The following PABPC1L variants were observed in gnomAD, a reference collection of about 807,000 sequenced individuals.
PABPC1L encodes the protein polyadenylate-binding protein 1-like.
PABPC1L carries 31 observed loss-of-function variants against 66.6 expected under a neutral mutation model. The ratio of observed to expected loss-of-function variants is 0.47; its 90% confidence interval spans 0.35 to 0.63. The LOEUF is 0.63. Ranked by LOEUF, PABPC1L falls within the 20% of genes least tolerant of loss-of-function variation. PABPC1L has a pLI of 0.00. For synonymous variants in PABPC1L, 348 were observed against 335.1 expected (o/e 1.04, Z -0.42); for missense variants, 722 against 848.8 (o/e 0.85, Z 1.86).
intron 8 of PABPC1L, chr20:44,931,688 GTT>G (rs2066860939): frequency 6.6e-6 from 1 of 152,002 alleles, no homozygotes; most frequent in Non-Finnish European, 1.5e-5. Context: ...TAGAGACGGG[GTT>G]TCACCATGTT....
intron 11 of PABPC1L, among the ~76,000 whole-genome samples, chr20:44,935,948 G>T (rs1476041067): frequency 6.6e-6 from 1 of 151,990 alleles, no homozygotes; most frequent in Admixed American, 6.5e-5. Context: ...AAATGAATGA[G>T]AACAGTCTTT....
chr20:44,933,224 A>G (rs2066875877), intron 10 of PABPC1L, 39 bp downstream of exon 10: 6 of 1,537,006 alleles, frequency 3.9e-6, no homozygotes, highest in Non-Finnish European at 4.4e-6. Flanking sequence ...GGGGTGGGGC[A>G]AAGTTGGCAC....
rs2066691505 is a variant in PABPC1L, at chr20:44,910,062, G to A, written c.-82G>A. 1 of 1,261,252 alleles carries A rather than the reference G, an allele frequency of 7.9e-7. No individual in the cohort carries two copies. Among genetic ancestry groups the A allele is most frequent in the South Asian group, 1.5e-5 (1 of 67,842 alleles). The allele number at this position is 1,261,252 out of a possible 1,614,324, so 78.1% of individuals were successfully genotyped here. A position where few individuals can be genotyped will look rare whatever the true frequency, so the allele number is the denominator to read the frequency against. ...GAAGGGGCGGGCCCGCGCCCAGGAA[G>A]GAGGGCTTCCGCCCGGGTGAGCGCG... On this transcript the variant is annotated 5_prime_UTR_variant, in exon 1 of 15. Coordinates refer to ENST00000217073, the MANE Select transcript of PABPC1L (RefSeq NM_001372179.1).
chr20:44,910,747 G>A (rs2066698764), intron 1 of PABPC1L, among the ~76,000 whole-genome samples: 1 of 152,210 alleles, frequency 6.6e-6, no homozygotes, highest in Non-Finnish European at 1.5e-5. Context: ...AAAGCACCTG[G>A]TGAGGAAGAT....
intron 5 of PABPC1L, among the ~76,000 whole-genome samples, chr20:44,919,661 G>A (rs1419190362): frequency 6.6e-6 from 1 of 152,156 alleles, no homozygotes; most frequent in Non-Finnish European, 1.5e-5. Flanking sequence ...AGTCCAGCCT[G>A]GGCAACATAG....
intron 9 of PABPC1L, 67 bp from the exon 10 acceptor site, chr20:44,932,990 T>A (rs2066872941): frequency 1.9e-6 from 2 of 1,072,122 alleles, no homozygotes; most frequent in African/African-American, 3.1e-5. Context: ...CTAGGCACAG[T>A]GTGCCACCCT....
chr20:44,922,842 G>A (rs774475892), intron 6 of PABPC1L, among the ~76,000 whole-genome samples: 3 of 152,176 alleles, frequency 2.0e-5, no homozygotes, highest in Non-Finnish European at 4.4e-5. Flanking sequence ...TGGGTGGTGG[G>A]GTGCTACTGT....
chr20:44,918,796 T>C, intron 3 of PABPC1L, 110 bp from the exon 4 acceptor site: 1 of 1,332,112 alleles, frequency 7.5e-7, no homozygotes, highest in Admixed American at 2.3e-5. Flanking sequence ...AGTTTCCTGA[T>C]GAGGGATATG....
At chr20:44,931,118 C>T (rs1235868127) in intron 8 of PABPC1L, among the ~76,000 whole-genome samples, 10 of 91,774 alleles carry the variant, frequency 1.1e-4, no homozygotes, top group African/African-American at 3.3e-4. Flanking sequence ...CGTGGGGTCT[C>T]CATGTCACCC....
rs753023622 is a variant in PABPC1L, at chr20:44,912,870, G to A, written c.387+17G>A. 1 of 1,606,442 alleles carries A rather than the reference G, an allele frequency of 6.2e-7. No homozygotes were observed. Among genetic ancestry groups the A allele is most frequent in the Admixed American group, 1.7e-5 (1 of 59,932 alleles). ...TCTTGCAAGGTAGAGGATGAAGGGT[G>A]TACGTCTTTGGGTAGATCGGTGTCA... On this transcript the variant is annotated intron_variant, in intron 2 of 14. Coordinates refer to ENST00000217073, the MANE Select transcript of PABPC1L (RefSeq NM_001372179.1).
chr20:44,910,960 T>C (rs1474870521), intron 1 of PABPC1L, among the ~76,000 whole-genome samples: 1 of 152,240 alleles, frequency 6.6e-6, no homozygotes, highest in Admixed American at 6.5e-5. Flanking sequence ...CCTGCACTTC[T>C]GTTGAGAGTG....
chr20:44,927,752 G>T (rs1004412759), intron 7 of PABPC1L, among the ~76,000 whole-genome samples: 3 of 152,074 alleles, frequency 2.0e-5, no homozygotes, highest in African/African-American at 7.2e-5. Flanking sequence ...ATGCAGTGGT[G>T]CCATCACAGC....
chr20:44,921,881 C>A, intron 6 of PABPC1L, 150 bp downstream of exon 6: 2 of 1,186,428 alleles, frequency 1.7e-6, no homozygotes, highest in Non-Finnish European at 2.4e-6. Flanking sequence ...GCCCCCACTG[C>A]CTAATGTATA....
Position 44,930,720 on chromosome 20 carries a change from G to A in PABPC1L, c.1233G>A (p.Met411Ile). Residue 411 changes from methionine (M) to isoleucine (I), a missense_variant, in exon 8 of 15, where the codon ATG becomes ATA. Physicochemically the swap from Met to Ile is conservative, Grantham distance 10. Coordinates refer to ENST00000217073, the MANE Select transcript of PABPC1L (RefSeq NM_001372179.1). ...CCTCCAGCTACTTCCTGCCTGCCAT[G>A]CCCCAGGTGACGGCCTGCCCGCAAC... is the stretch of plus-strand genomic sequence containing the variant. The part of the protein sequence containing the change: ...QQPSSYFLPA[M>I]PQPPAQAAYY... 3 of 1,612,920 alleles carry A rather than the reference G, an allele frequency of 1.9e-6. No individual in the cohort carries two copies. The highest frequency in any genetic ancestry group is 2.5e-6 in the Non-Finnish European group (3 of 1,179,730).
chr20:44,931,003 T>TCCTTCCTTCCTTCCTTCCTC (rs1568649841), intron 8 of PABPC1L, among the ~76,000 whole-genome samples: 1 of 101,182 alleles, frequency 9.9e-6, no homozygotes, highest in Non-Finnish European at 2.0e-5. Flanking sequence ...CATTTTTCCT[T>TCCTTCCTTCCTTCCTTCCTC]CCTCCCTTCC....
intron 5 of PABPC1L, among the ~76,000 whole-genome samples, chr20:44,920,066 C>T (rs1300749386): frequency 3.3e-5 from 5 of 152,092 alleles, no homozygotes; most frequent in African/African-American, 1.2e-4. Flanking sequence ...ATACCCCATT[C>T]CCCCAACACA....
At position 44,930,663 on chromosome 20, in the gene PABPC1L, G is replaced by A; in HGVS notation, c.1176G>A (p.Leu392=). 6.2e-7 allele frequency: 1 copy of A among 1,614,186 alleles called. No individual in the cohort carries two copies. The highest frequency in any genetic ancestry group is 2.2e-5 in the East Asian group (1 of 44,880). Residue 392 remains leucine (L), a synonymous_variant, in exon 8 of 15, where the codon CTG becomes CTA. Transcript: ENST00000217073. ...AGCGCCTCTCCACCATGCGGACCCT[G>A]AGCAACCCCCTCCTGGGCTCCTTTC... is the stretch of plus-strand genomic sequence containing the variant. The part of the protein sequence containing the change: ...YMQRLSTMRT[L]SNPLLGSFQQ...
intron 3 of PABPC1L, among the ~76,000 whole-genome samples, chr20:44,917,985 G>C (rs756191368): frequency 1.2e-4 from 18 of 152,012 alleles, no homozygotes; most frequent in Non-Finnish European, 2.1e-4. Context: ...TTTAATCTGG[G>C]ATGCTTTCCT....
Position 44,921,584 on chromosome 20 carries a change from C to T in PABPC1L, c.739-10C>T. On this transcript the variant is annotated splice_polypyrimidine_tract_variant and intron_variant, in intron 5 of 14. Coordinates refer to ENST00000217073, the MANE Select transcript of PABPC1L (RefSeq NM_001372179.1). ...TGGTTACCAAGCATGTTCCCTCCTC[C>T]TTTCCCCAGGCCGTGGTCCATATGA... The T allele has an allele frequency of 6.2e-7, 1 of 1,613,766 alleles. No individual in the cohort carries two copies. The highest frequency in any genetic ancestry group is 8.5e-7 in the Non-Finnish European group (1 of 1,179,854).
Sources: gnomAD v4.1 joint callset for allele counts (sites outside exome capture counted in the v4.1 genomes callset) on GRCh38, gnomAD v4.1.1 for gene constraint, MANE v1.5 for transcripts, NCBI Gene and HGNC (gene_info 2026-07-23, HGNC 2026-07-21) for gene names.